Variants in DNAH9 observed in about 807,000 individuals in gnomAD.
The protein encoded by DNAH9 is dynein axonemal heavy chain 9.
A neutral mutation model predicts 471.6 loss-of-function variants in DNAH9; 345 were observed. The ratio of observed to expected loss-of-function variants is 0.73; its 90% CI spans 0.67 to 0.80. The LOEUF is 0.80. Ranked by LOEUF, DNAH9 falls within the 30% of genes least tolerant of loss-of-function variation. The pLI is 0.00. For synonymous variants in DNAH9, 2,093 were observed against 2,123.6 expected, an observed-to-expected ratio of 0.99 and a Z score of 0.40; for missense variants, 5,407 against 5,609.2, an observed-to-expected ratio of 0.96 and a Z score of 1.15.
intron 48 of DNAH9, among the ~76,000 whole-genome samples, chr17:11,825,936 A>G (rs148020155): frequency 1.3e-5 from 2 of 152,328 alleles, no homozygotes; most frequent in African/African-American, 4.8e-5. Flanking sequence ...TGGAACTATC[A>G]TGGTGTCAGG....
At chr17:11,613,930 A>G (rs2072689022) in intron 4 of DNAH9, among the ~76,000 whole-genome samples, 1 of 152,230 alleles carries the variant, frequency 6.6e-6, no homozygotes. Flanking sequence ...AATTATTCAT[A>G]TGAATTAATA....
At chr17:11,863,323 T>A (rs1432955921) in intron 50 of DNAH9, among the ~76,000 whole-genome samples, 1 of 152,156 alleles carries the variant, frequency 6.6e-6, no homozygotes, top group Non-Finnish European at 1.5e-5. Context: ...TGGATTACAT[T>A]TATTGATTTG....
chr17:11,705,659 C>A (rs1247446869), intron 26 of DNAH9, among the ~76,000 whole-genome samples: 2 of 152,052 alleles, frequency 1.3e-5, no homozygotes, highest in African/African-American at 4.8e-5. Context: ...TTCTGTCATT[C>A]AACAGCAGAA....
intron 67 of DNAH9, among the ~76,000 whole-genome samples, chr17:11,961,186 G>C (rs1408866791): frequency 3.3e-5 from 5 of 151,468 alleles, no homozygotes; most frequent in African/African-American, 1.2e-4. Flanking sequence ...GTGGTGGCAG[G>C]TGCCTGTAAT....
At chr17:11,660,622 T>A (rs2073744156) in intron 14 of DNAH9, among the ~76,000 whole-genome samples, 1 of 152,176 alleles carries the variant, frequency 6.6e-6, no homozygotes, top group African/African-American at 2.4e-5. Context: ...CATGCCCAGC[T>A]CTTGTTATAA....
chr17:11,954,337 GC>G, intron 67 of DNAH9, among the ~76,000 whole-genome samples: 1 of 152,176 alleles, frequency 6.6e-6, no homozygotes, highest in Non-Finnish European at 1.5e-5. Flanking sequence ...AGCTCAACAA[GC>G]CCCATGCAGA....
intron 20 of DNAH9, among the ~76,000 whole-genome samples, chr17:11,690,832 C>T (rs1182207048): frequency 6.6e-6 from 1 of 152,160 alleles, no homozygotes; most frequent in Admixed American, 6.5e-5. Context: ...AATTCAAGTT[C>T]CTTCTCAGCA....
chr17:11,945,753 C>G (rs1975094095), intron 67 of DNAH9, among the ~76,000 whole-genome samples: 1 of 145,716 alleles, frequency 6.9e-6, no homozygotes, highest in African/African-American at 2.5e-5. Context: ...ATGCAATATA[C>G]ACATGTGAGA....
In DNAH9 at chr17:11,881,201, T is replaced by A. The variant is rs769483128; in HGVS notation, c.10602-8T>A. On this transcript the variant is annotated splice_region_variant and splice_polypyrimidine_tract_variant and intron_variant, in intron 54 of 68. Transcript: ENST00000262442. ...CACCTTACCTTCACATGAGCCTTTA[T>A]GTTCCAGATTCATTAAAATTGGAGA... 23 of 1,614,174 alleles carry A rather than the reference T, an allele frequency of 1.4e-5. No homozygotes were observed. Among genetic ancestry groups the A allele is most frequent in the Non-Finnish European group, 8.5e-7 (1 of 1,180,028 alleles).
intron 49 of DNAH9, among the ~76,000 whole-genome samples, chr17:11,844,795 G>A (rs1371359878): frequency 6.6e-6 from 1 of 152,102 alleles, no homozygotes; most frequent in Non-Finnish European, 1.5e-5. Flanking sequence ...AAGGTATGAA[G>A]GTTTGTTGTA....
intron 17 of DNAH9, among the ~76,000 whole-genome samples, chr17:11,675,325 T>C (rs960273527): frequency 1.3e-5 from 2 of 152,222 alleles, no homozygotes; most frequent in Non-Finnish European, 2.9e-5. Flanking sequence ...ATAATTTTGA[T>C]AATTCATCTG....
At chr17:11,783,221 G>T (rs1324655472) in intron 39 of DNAH9, among the ~76,000 whole-genome samples, 3 of 152,138 alleles carry the variant, frequency 2.0e-5, no homozygotes, top group Non-Finnish European at 4.4e-5. Context: ...GAGGGATGAG[G>T]AAGGGGCATT....
intron 26 of DNAH9, among the ~76,000 whole-genome samples, chr17:11,708,316 G>C (rs142972642): frequency 6.2e-4 from 94 of 152,288 alleles, no homozygotes; most frequent in African/African-American, 2.1e-3. Flanking sequence ...AGTTGACTTA[G>C]GGGCAAGGTC....
chr17:11,641,658 T>C (rs765320875), intron 10 of DNAH9, among the ~76,000 whole-genome samples: 1 of 151,884 alleles, frequency 6.6e-6, no homozygotes, highest in Non-Finnish European at 1.5e-5. Context: ...TGAGCCCTCA[T>C]GCATCTCAAT....
intron 4 of DNAH9, among the ~76,000 whole-genome samples, chr17:11,616,077 C>CGGAG (rs2072736290): frequency 6.6e-6 from 1 of 152,018 alleles, no homozygotes; most frequent in Non-Finnish European, 1.5e-5. Flanking sequence ...GGTGAGCCTC[C>CGGAG]GTGAAGCCAA....
In DNAH9 at chr17:11,644,592, T is replaced by C. The variant is rs777521921; in HGVS notation, c.1902-39T>C. On this transcript the variant is annotated intron_variant, in intron 10 of 68. Transcript: ENST00000262442. ...TTCCTCGGATTATTACTTTAACTTC[T>C]TCTAATTCTGTGTCACTTTTTCTCT... The C allele has an allele frequency of 6.8e-6, 10 of 1,473,022 alleles. No individual in the cohort carries two copies. In the African/African-American group the frequency reaches 1.4e-4, roughly 20 times the overall value. 91.2% of individuals were successfully genotyped at this position (1,473,022 alleles called of 1,614,324 possible).
chr17:11,966,642 A>ATTATATAAATATAATTATTTAT (rs1263270710), intron 68 of DNAH9, among the ~76,000 whole-genome samples: 1 of 152,242 alleles, frequency 6.6e-6, no homozygotes, highest in Non-Finnish European at 1.5e-5. Context: ...TGCATAAGGA[A>ATTATATAAATATAATTATTTAT]ATAATTATAA....
At position 11,775,127 on chromosome 17, in the gene DNAH9, G is replaced by T. The variant is rs766990381; in HGVS notation, c.7552+5798G>T. On this transcript the variant is annotated intron_variant, in intron 38 of 68. Transcript: ENST00000262442. Reference sequence around the variant, plus strand: ...TTTATGTAATGGAGTCACAAAATGTGCACTCTCTTTTTGCCTGGCTTCTTT... The same window carrying T: ...TTTATGTAATGGAGTCACAAAATGTTCACTCTCTTTTTGCCTGGCTTCTTT... 3.3e-5 allele frequency among the ~76,000 whole-genome samples: 5 copies of T among 152,066 alleles called. No homozygotes were observed. The East Asian group carries it at 9.7e-4, about 29-fold the overall frequency.
At chr17:11,629,874 T>C (rs1284213608) in intron 7 of DNAH9, among the ~76,000 whole-genome samples, 1 of 152,168 alleles carries the variant, frequency 6.6e-6, no homozygotes, top group African/African-American at 2.4e-5. Context: ...GGGTATGACA[T>C]GACAGTGGAG....
Sources: gnomAD v4.1 joint callset for allele counts (sites outside exome capture counted in the v4.1 genomes callset) on GRCh38, gnomAD v4.1.1 for gene constraint, MANE v1.5 for transcripts, NCBI Gene and HGNC (gene_info 2026-07-23, HGNC 2026-07-21) for gene names.